ARHGEF28: variants seen among roughly 807,000 people sequenced by gnomAD.
The protein encoded by ARHGEF28 is Rho guanine nucleotide exchange factor 28.
ARHGEF28 carries 152 observed loss-of-function variants against 206.6 expected under a neutral mutation model. The ratio of observed to expected loss-of-function variants is 0.74; its 90% confidence interval spans 0.64 to 0.84. The LOEUF is 0.84. Ranked by LOEUF, ARHGEF28 falls within the 40% of genes least tolerant of loss-of-function variation. The probability of loss-of-function intolerance (pLI) is 0.00; values close to 1 mark genes in which losing one functional copy is unlikely to be tolerated. For synonymous variants in ARHGEF28, 763 were observed against 776.4 expected (o/e 0.98, Z 0.29); for missense variants, 2,028 against 2,073.2 (o/e 0.98, Z 0.42).
chr5:73,806,753 G>A (rs555852743), intron 9 of ARHGEF28, among the ~76,000 whole-genome samples: 3 of 126,500 alleles, frequency 2.4e-5, no homozygotes, highest in Non-Finnish European at 3.3e-5. Flanking sequence ...CCATATATAC[G>A]ATATATCGTA....
intron 31 of ARHGEF28, chr5:73,904,013 G>A (rs938995566): frequency 5.4e-6 from 3 of 559,424 alleles, no homozygotes; most frequent in South Asian, 5.2e-5. Flanking sequence ...CTCAAACATC[G>A]ACTTTGCGTG....
intron 2 of ARHGEF28, among the ~76,000 whole-genome samples, chr5:73,729,709 C>T (rs1750492318): frequency 6.6e-6 from 1 of 152,200 alleles, no homozygotes; most frequent in African/African-American, 2.4e-5. Flanking sequence ...AGATACATAT[C>T]TTTCCTCGAT....
At chr5:73,923,321 T>C (rs1580109427) in intron 35 of ARHGEF28, among the ~76,000 whole-genome samples, 1 of 152,146 alleles carries the variant, frequency 6.6e-6, no homozygotes, top group Non-Finnish European at 1.5e-5. Context: ...CTTTATGAGC[T>C]CCCTTTCTCT....
chr5:73,865,772 A>G lies in ARHGEF28; in HGVS notation c.2104-193A>G, dbSNP rs183648549. On this transcript the variant is annotated intron_variant, in intron 17 of 35. Coordinates refer to ENST00000513042, the MANE Select transcript of ARHGEF28 (RefSeq NM_001177693.2). Reference sequence around the variant, plus strand: ...AGGCGCATGTTCACAAGGCCCCTTCATTATAACTTGCACATTTTATTGTCA... The same window carrying G: ...AGGCGCATGTTCACAAGGCCCCTTCGTTATAACTTGCACATTTTATTGTCA... 1.7e-3 allele frequency among the ~76,000 whole-genome samples: 256 copies of G among 152,320 alleles called. 1 individual carries two copies. The highest frequency in any genetic ancestry group is 3.2e-3 in the Non-Finnish European group (217 of 68,020).
rs138997915 is a variant in ARHGEF28, at chr5:73,839,997, A to G, written c.1147-483A>G. On this transcript the variant is annotated intron_variant, in intron 10 of 35. Coordinates refer to ENST00000513042, the MANE Select transcript of ARHGEF28 (RefSeq NM_001177693.2). ...TCATTTTGAGTCAGTGGTTCATAAAATGTTAGAGGCATAATCAGCTTCTGG... is the reference window on the plus strand; with the variant it reads ...TCATTTTGAGTCAGTGGTTCATAAAGTGTTAGAGGCATAATCAGCTTCTGG... Among the ~76,000 whole-genome samples the G allele has an allele frequency of 1.7e-3, 253 of 152,338 alleles. 1 individual carries two copies. Among genetic ancestry groups the G allele is most frequent in the Non-Finnish European group, 2.8e-3 (193 of 68,022 alleles).
At position 73,780,642 on chromosome 5, in the gene ARHGEF28, C is replaced by CT. The variant is rs1470030889; in HGVS notation, c.841-28dup. On this transcript the variant is annotated intron_variant, in intron 6 of 35. Coordinates refer to ENST00000513042, the MANE Select transcript of ARHGEF28 (RefSeq NM_001177693.2). Reference sequence around the variant, plus strand: ...CTGGAACCTCAAATGGTTTTCTGTGCTTTTTTGTTTTTTTTTTCCCCATTG... The same window carrying CT: ...CTGGAACCTCAAATGGTTTTCTGTGCTTTTTTTGTTTTTTTTTTCCCCATTG... The CT allele has an allele frequency of 3.3e-6, 5 of 1,515,678 alleles. No homozygotes were observed. In the East Asian group the frequency reaches 1.2e-4, roughly 38 times the overall value. The allele number at this position is 1,515,678 out of a possible 1,614,324, so 93.9% of individuals were successfully genotyped here.
At chr5:73,658,153 A>AAT (rs1208617145) in intron 1 of ARHGEF28, among the ~76,000 whole-genome samples, 3 of 150,704 alleles carry the variant, frequency 2.0e-5, no homozygotes, top group Non-Finnish European at 3.0e-5. Context: ...AAAAAAAAAA[A>AAT]CTCAATTAAC....
At chr5:73,857,525 A>G (rs1759121462) in intron 14 of ARHGEF28, 131 bp from the exon 15 acceptor site, 1 of 978,118 alleles carries the variant, frequency 1.0e-6, no homozygotes, top group South Asian at 2.2e-5. Context: ...TAGAACAGCC[A>G]CTAAAACCTG....
chr5:73,834,585 T>C (rs1757501585), intron 10 of ARHGEF28, among the ~76,000 whole-genome samples: 1 of 151,904 alleles, frequency 6.6e-6, no homozygotes. Context: ...CATGTGTGTG[T>C]TTGTGTGTGC....
chr5:73,699,565 A>G (rs890152815), intron 2 of ARHGEF28, among the ~76,000 whole-genome samples: 21 of 152,194 alleles, frequency 1.4e-4, no homozygotes, highest in African/African-American at 5.1e-4. Flanking sequence ...GTTGTGGAGT[A>G]ACATATACGG....
At chr5:73,776,091 G>C (rs111267643) in intron 5 of ARHGEF28, among the ~76,000 whole-genome samples, 1 of 152,278 alleles carries the variant, frequency 6.6e-6, no homozygotes, top group East Asian at 1.9e-4. Flanking sequence ...ACCTCACCAT[G>C]TTCCCTGGAG....
intron 10 of ARHGEF28, among the ~76,000 whole-genome samples, chr5:73,836,205 A>T (rs1311521626): frequency 6.6e-6 from 1 of 151,498 alleles, no homozygotes; most frequent in Non-Finnish European, 1.5e-5. Flanking sequence ...TGTATTTTAA[A>T]TTTTTTTAGG....
intron 18 of ARHGEF28, among the ~76,000 whole-genome samples, chr5:73,866,327 A>C (rs964343031): frequency 5.3e-5 from 8 of 152,216 alleles, no homozygotes; most frequent in African/African-American, 1.9e-4. Flanking sequence ...TGTATTAATA[A>C]TCCTTCAAGG....
At chr5:73,746,199 C>A (rs917626289) in intron 2 of ARHGEF28, among the ~76,000 whole-genome samples, 6 of 152,106 alleles carry the variant, frequency 3.9e-5, no homozygotes, top group Admixed American at 3.9e-4. Flanking sequence ...AAAATAACAT[C>A]TCAAAGGATA....
intron 25 of ARHGEF28, among the ~76,000 whole-genome samples, chr5:73,886,813 A>G (rs1383324275): frequency 1.3e-5 from 2 of 152,230 alleles, no homozygotes; most frequent in African/African-American, 2.4e-5. Flanking sequence ...ACCAAAGCCC[A>G]TGGGATGTTT....
chr5:73,840,367 G>A (rs905528769), intron 10 of ARHGEF28, 113 bp from the exon 11 acceptor site: 16 of 1,015,332 alleles, frequency 1.6e-5, no homozygotes, highest in Admixed American at 5.2e-5. Flanking sequence ...TGCCAGCCTC[G>A]GCCTCCTACC....
At chr5:73,697,377 T>G (rs201501583) in intron 2 of ARHGEF28, among the ~76,000 whole-genome samples, 4 of 152,338 alleles carry the variant, frequency 2.6e-5, no homozygotes, top group East Asian at 1.9e-4. Flanking sequence ...CCATTACTTA[T>G]AATAGAATAC....
At chr5:73,794,297 T>A in intron 7 of ARHGEF28, 105 bp from the exon 8 acceptor site, 1 of 875,456 alleles carries the variant, frequency 1.1e-6, no homozygotes, top group Non-Finnish European at 1.8e-6. Flanking sequence ...CCTATCTCTG[T>A]GCAGAAGGCT....
chr5:73,895,340 T>G (rs1761902130), intron 29 of ARHGEF28, among the ~76,000 whole-genome samples: 1 of 151,986 alleles, frequency 6.6e-6, no homozygotes, highest in South Asian at 2.1e-4. Context: ...GTTTATAGAA[T>G]TGAAAATACT....
Sources: allele counts gnomAD v4.1 joint callset (sites outside exome capture counted in the v4.1 genomes callset), GRCh38; gene constraint gnomAD v4.1.1; transcripts MANE v1.5; gene names NCBI Gene and HGNC (gene_info 2026-07-23, HGNC 2026-07-21).